Variants in ANO3 observed in about 807,000 individuals in gnomAD.
ANO3 encodes anoctamin 3.
A neutral mutation model predicts 144.8 loss-of-function variants in ANO3; 99 were observed. The observed-to-expected ratio is 0.68, with a 90% confidence interval of 0.58 to 0.81. The LOEUF is 0.81. Among genes scored for constraint, ANO3 ranks in the 30% least tolerant of loss-of-function variants. The pLI, the probability that ANO3 is intolerant of heterozygous loss-of-function variation, is 0.00. For missense variants in ANO3, 905 were observed against 1,202.2 expected (o/e 0.75, Z 3.66); for synonymous variants, 414 against 392.6 (o/e 1.05, Z -0.64).
intron 1 of ANO3, chr11:26,286,005 T>C (rs1853798248): frequency 6.6e-6 from 1 of 152,192 alleles, no homozygotes; most frequent in African/African-American, 2.4e-5. Flanking sequence ...GGTCCTCAGA[T>C]TTCATGTGTT....
intron 1 of ANO3, among the ~76,000 whole-genome samples, chr11:26,240,657 C>A (rs1852643161): frequency 6.6e-6 from 1 of 152,034 alleles, no homozygotes; most frequent in Non-Finnish European, 1.5e-5. Context: ...TTTTACTTCC[C>A]ATTTCATAAA....
chr11:26,401,734 G>A (rs548681349), intron 1 of ANO3, among the ~76,000 whole-genome samples: 2 of 151,888 alleles, frequency 1.3e-5, no homozygotes, highest in African/African-American at 2.4e-5. Flanking sequence ...AAAATTAGCC[G>A]GACATGGTGG....
intron 1 of ANO3, among the ~76,000 whole-genome samples, chr11:26,228,318 C>T (rs924363795): frequency 6.6e-6 from 1 of 152,148 alleles, no homozygotes; most frequent in African/African-American, 2.4e-5. Flanking sequence ...ACAATTTATC[C>T]CCAGTGAAAG....
At chr11:26,649,258 C>T (rs534735660) in intron 24 of ANO3, among the ~76,000 whole-genome samples, 1 of 152,206 alleles carries the variant, frequency 6.6e-6, no homozygotes, top group East Asian at 1.9e-4. Flanking sequence ...TATTCATGTA[C>T]ACATTTTAAA....
At chr11:26,299,153 G>A (rs1001948306) in intron 1 of ANO3, among the ~76,000 whole-genome samples, 2 of 152,146 alleles carry the variant, frequency 1.3e-5, no homozygotes, top group Non-Finnish European at 2.9e-5. Flanking sequence ...AAGTTAAAAG[G>A]TTAAGAAAAA....
intron 4 of ANO3, among the ~76,000 whole-genome samples, chr11:26,480,758 A>G (rs985742160): frequency 1.3e-5 from 2 of 152,106 alleles, no homozygotes; most frequent in Non-Finnish European, 2.9e-5. Context: ...CGGTGAGCTG[A>G]GTTCGCTCCA....
chr11:26,427,983 G>T (rs1234915683), intron 1 of ANO3, among the ~76,000 whole-genome samples: 1 of 152,082 alleles, frequency 6.6e-6, no homozygotes, highest in Non-Finnish European at 1.5e-5. Context: ...CTCCCACTGG[G>T]TCCCTCCCAT....
At chr11:26,633,336 A>T (rs1424311619) in intron 18 of ANO3, among the ~76,000 whole-genome samples, 4 of 152,194 alleles carry the variant, frequency 2.6e-5, no homozygotes, top group Non-Finnish European at 5.9e-5. Flanking sequence ...TATTCTATAG[A>T]TGACCAAACT....
At chr11:26,285,822 G>A (rs1487265798) in intron 1 of ANO3, 1 of 152,192 alleles carries the variant, frequency 6.6e-6, no homozygotes, top group African/African-American at 2.4e-5. Context: ...GACAGAAGCA[G>A]CATTGCAGCA....
chr11:26,623,831 G>C (rs545902827), intron 17 of ANO3, among the ~76,000 whole-genome samples: 8 of 151,796 alleles, frequency 5.3e-5, no homozygotes, highest in Non-Finnish European at 8.8e-5. Context: ...CTCTCGCCCA[G>C]GCTGGAGTGC....
At position 26,634,080 on chromosome 11, in the gene ANO3, C is replaced by CAAAA. The variant is rs10631901; in HGVS notation, c.1874-109_1874-106dup. 0.12 allele frequency: 43,436 copies of CAAAA among 348,600 alleles called. 2,061 individuals carry two copies. Among genetic ancestry groups the CAAAA allele is most frequent in the Non-Finnish European group, 0.16 (31,590 of 201,962 alleles). The allele number at this position is 348,600 out of a possible 1,614,324, so 21.6% of individuals were successfully genotyped here. ...GCAACAGAGAGTGAGACTCCATTTC[C>CAAAA]AAAAAAAAAAAAAAAAAATTAAATT... On this transcript the variant is annotated intron_variant, in intron 18 of 26. Transcript: ENST00000256737.
At chr11:26,367,162 AAACCTAGGCAATACCATTCAGG>A (rs1366616223) in intron 1 of ANO3, among the ~76,000 whole-genome samples, 2 of 152,178 alleles carry the variant, frequency 1.3e-5, no homozygotes, top group Non-Finnish European at 2.9e-5. Flanking sequence ...CCCTAGAAGA[AAACCTAGGCAATACCATTCAGG>A]ACATAGGCAT....
chr11:26,341,227 GTA>G (rs1855350437), intron 1 of ANO3, among the ~76,000 whole-genome samples: 1 of 151,986 alleles, frequency 6.6e-6, no homozygotes, highest in South Asian at 2.1e-4. Context: ...TGAAAAAAAT[GTA>G]TAGTGAAAGG....
At chr11:26,310,285 G>A (rs182457261) in intron 1 of ANO3, among the ~76,000 whole-genome samples, 5 of 152,036 alleles carry the variant, frequency 3.3e-5, no homozygotes, top group South Asian at 2.1e-4. Context: ...TTTGAGGCCC[G>A]CTTTTCAAGA....
intron 11 of ANO3, among the ~76,000 whole-genome samples, chr11:26,544,277 CACAT>C (rs1176183632): frequency 0.022 from 696 of 31,220 alleles, 30 homozygotes; most frequent in African/African-American, 0.043. Flanking sequence ...TATATATACA[CACAT>C]ACACACACAC....
chr11:26,195,825 C>A (rs1429223912), intron 1 of ANO3, among the ~76,000 whole-genome samples: 3 of 152,110 alleles, frequency 2.0e-5, no homozygotes. Flanking sequence ...GATTTTAGAA[C>A]TTGTGCAAGT....
intron 8 of ANO3, among the ~76,000 whole-genome samples, chr11:26,533,783 TAGA>T (rs1372423715): frequency 6.6e-6 from 1 of 152,074 alleles, no homozygotes; most frequent in African/African-American, 2.4e-5. Context: ...GCAACTATCC[TAGA>T]AGACCTTCTA....
chr11:26,269,335 G>C (rs982090933), intron 1 of ANO3, among the ~76,000 whole-genome samples: 1 of 152,156 alleles, frequency 6.6e-6, no homozygotes, highest in Non-Finnish European at 1.5e-5. Context: ...TGTGGGAAGG[G>C]GAGACGTGGA....
intron 1 of ANO3, among the ~76,000 whole-genome samples, chr11:26,219,642 C>G (rs1164342570): frequency 6.6e-6 from 1 of 152,116 alleles, no homozygotes; most frequent in African/African-American, 2.4e-5. Context: ...AAGAGGAAGC[C>G]TAGAATGATA....
Sources: allele counts gnomAD v4.1 joint callset (sites outside exome capture counted in the v4.1 genomes callset), GRCh38; gene constraint gnomAD v4.1.1; transcripts MANE v1.5; gene names NCBI Gene and HGNC (gene_info 2026-07-23, HGNC 2026-07-21).